The following NRXN3 variants were observed in gnomAD, a reference collection of about 807,000 sequenced individuals.
NRXN3 encodes neurexin III.
NRXN3 carries 32 observed loss-of-function variants against 137.6 expected under a neutral mutation model. That is an observed-to-expected ratio of 0.23 (90% CI 0.18 to 0.31). The LOEUF is 0.31. Ranked by LOEUF, NRXN3 falls within the 10% of genes least tolerant of loss-of-function variation. The pLI is 1.00. For synonymous variants in NRXN3, 798 were observed against 784.5 expected (o/e 1.02, Z -0.29); for missense variants, 1,574 against 2,062.5 (o/e 0.76, Z 4.59).
chr14:78,427,445 T>A (rs1170332410), intron 4 of NRXN3, among the ~76,000 whole-genome samples: 1 of 152,096 alleles, frequency 6.6e-6, no homozygotes, highest in African/African-American at 2.4e-5. Context: ...ACAGAGTAAG[T>A]GAAATATTTT....
At chr14:79,270,779 G>A (rs1054294473) in intron 15 of NRXN3, among the ~76,000 whole-genome samples, 2 of 152,166 alleles carry the variant, frequency 1.3e-5, no homozygotes, top group African/African-American at 4.8e-5. Context: ...TTATCATAAT[G>A]TTGTTTCACC....
intron 10 of NRXN3, among the ~76,000 whole-genome samples, chr14:78,918,285 C>CAAAAAAAAAAA (rs71454807): frequency 1.0e-3 from 36 of 34,646 alleles, no homozygotes; most frequent in East Asian, 4.9e-3. Flanking sequence ...AACTCCATCT[C>CAAAAAAAAAAA]AAAAAAAAAA....
chr14:78,304,038 TAGAC>T (rs1198282467), intron 4 of NRXN3, among the ~76,000 whole-genome samples: 16 of 152,182 alleles, frequency 1.1e-4, no homozygotes, highest in African/African-American at 3.1e-4. Context: ...GGAGGGGAGA[TAGAC>T]AGGATTAGAT....
chr14:78,513,361 T>G (rs1290673661), intron 4 of NRXN3, among the ~76,000 whole-genome samples: 1 of 152,174 alleles, frequency 6.6e-6, no homozygotes, highest in African/African-American at 2.4e-5. Flanking sequence ...TGCCTCCTAG[T>G]CTAACAGGAG....
At position 79,638,054 on chromosome 14, in the gene NRXN3, C is replaced by T. The variant is rs143415330; in HGVS notation, c.3445-25724C>T. Among the ~76,000 whole-genome samples, 19 of 152,042 alleles carry T rather than the reference C, an allele frequency of 1.2e-4. No individual in the cohort carries two copies. In the East Asian group the frequency reaches 2.3e-3, roughly 19 times the overall value. ...CTTATAAAGTTCCTCCTATATTATACGTGCCCATACCTCTATACTAGTTTT... is the reference window on the plus strand; with the variant it reads ...CTTATAAAGTTCCTCCTATATTATATGTGCCCATACCTCTATACTAGTTTT... On this transcript the variant is annotated intron_variant, in intron 16 of 20. Transcript: ENST00000335750.
chr14:78,845,904 G>GT (rs1281778568), intron 10 of NRXN3, among the ~76,000 whole-genome samples: 13 of 135,484 alleles, frequency 9.6e-5, no homozygotes, highest in South Asian at 6.7e-4. Context: ...GAGTATGTTG[G>GT]GGTGTGTGTG....
intron 15 of NRXN3, among the ~76,000 whole-genome samples, chr14:79,256,172 G>GTCTCTCTCTCTC (rs111298626): frequency 1.7e-4 from 25 of 145,306 alleles, no homozygotes; most frequent in African/African-American, 5.8e-4. Context: ...CTCTCTCTCT[G>GTCTCTCTCTCTC]TCTCTCTCTC....
At chr14:79,284,589 A>G (rs1018880871) in intron 15 of NRXN3, among the ~76,000 whole-genome samples, 1 of 151,852 alleles carries the variant, frequency 6.6e-6, no homozygotes, top group Non-Finnish European at 1.5e-5. Context: ...GGAACACACC[A>G]CGCTATATTT....
At chr14:79,121,780 G>A (rs946567231) in intron 15 of NRXN3, among the ~76,000 whole-genome samples, 15 of 152,250 alleles carry the variant, frequency 9.9e-5, no homozygotes, top group East Asian at 1.9e-4. Context: ...CATACACTTC[G>A]TGCAAATACC....
rs551590731 is a variant in NRXN3, at chr14:78,646,769, T to A, written c.1059+1348T>A. 1.7e-4 allele frequency among the ~76,000 whole-genome samples: 26 copies of A among 152,318 alleles called. 1 individual carries two copies. In the East Asian group the frequency reaches 4.2e-3, roughly 25 times the overall value. On this transcript the variant is annotated intron_variant, in intron 5 of 20. Transcript: ENST00000335750. ...GATATTTTTGAATCATTGTTCTATGTTTTTCCTCCAAGGCCAAAGAACCCT... is the reference window on the plus strand; with the variant it reads ...GATATTTTTGAATCATTGTTCTATGATTTTCCTCCAAGGCCAAAGAACCCT...
intron 4 of NRXN3, among the ~76,000 whole-genome samples, chr14:78,605,488 T>C (rs2152451627): frequency 6.6e-6 from 1 of 152,322 alleles, no homozygotes; most frequent in Middle Eastern, 3.4e-3. Context: ...ATCTCTGGCC[T>C]CTAATTTGAC....
intron 15 of NRXN3, among the ~76,000 whole-genome samples, chr14:79,341,107 T>C (rs1417519483): frequency 2.6e-5 from 4 of 152,192 alleles, no homozygotes; most frequent in Non-Finnish European, 5.9e-5. Context: ...CTGAGTGTTA[T>C]TCAGCTTGGA....
At chr14:78,839,832 C>G (rs1462451707) in intron 10 of NRXN3, among the ~76,000 whole-genome samples, 4 of 152,220 alleles carry the variant, frequency 2.6e-5, no homozygotes, top group African/African-American at 4.8e-5. Flanking sequence ...AAACACTACA[C>G]AGCTAGCTCT....
intron 10 of NRXN3, among the ~76,000 whole-genome samples, chr14:78,818,009 T>C (rs1183935408): frequency 6.6e-6 from 1 of 152,134 alleles, no homozygotes; most frequent in African/African-American, 2.4e-5. Context: ...CATCTTAAAA[T>C]AGGCAAATAC....
chr14:79,173,779 C>T (rs1483645251), intron 15 of NRXN3, among the ~76,000 whole-genome samples: 1 of 152,110 alleles, frequency 6.6e-6, no homozygotes, highest in East Asian at 1.9e-4. Context: ...TGAGCTCATT[C>T]TACCTGTCTC....
chr14:78,329,248 A>T (rs761116836), intron 4 of NRXN3, among the ~76,000 whole-genome samples: 4 of 152,114 alleles, frequency 2.6e-5, no homozygotes, highest in Non-Finnish European at 5.9e-5. Context: ...TTAAAATCCC[A>T]CTTGCTGTTT....
rs143999107 is a variant in NRXN3 at position 78,447,931 on chromosome 14, A to G, written c.757+150071A>G. Among the ~76,000 whole-genome samples, 133 of 152,286 alleles carry G rather than the reference A, an allele frequency of 8.7e-4. 1 individual carries two copies. Among genetic ancestry groups the G allele is most frequent in the Middle Eastern group, 3.4e-3 (1 of 294 alleles). On this transcript the variant is annotated intron_variant, in intron 4 of 20. Coordinates refer to ENST00000335750, the MANE Select transcript of NRXN3 (RefSeq NM_001330195.2). ...TTATAAAAATGTACCAGTAGTTGTC[A>G]TTGTTATTCCCTGACATGCTCTGTT...
At chr14:78,208,414 T>A (rs993063595) in intron 1 of NRXN3, among the ~76,000 whole-genome samples, 4 of 152,204 alleles carry the variant, frequency 2.6e-5, no homozygotes, top group Non-Finnish European at 5.9e-5. Flanking sequence ...TGTGTTTCCT[T>A]TTGTCCCTGG....
chr14:78,503,650 A>G (rs989734966), intron 4 of NRXN3, among the ~76,000 whole-genome samples: 1 of 152,118 alleles, frequency 6.6e-6, no homozygotes, highest in Non-Finnish European at 1.5e-5. Context: ...ATTAGGGCTC[A>G]TGGGTCTTGA....
Sources: allele counts gnomAD v4.1 joint callset (sites outside exome capture counted in the v4.1 genomes callset), GRCh38; gene constraint gnomAD v4.1.1; transcripts MANE v1.5; gene names NCBI Gene and HGNC (gene_info 2026-07-23, HGNC 2026-07-21).